The following AGBL4 variants were observed in gnomAD, a reference collection of about 807,000 sequenced individuals.
AGBL4 encodes cytosolic carboxypeptidase 6.
Under a neutral mutation model 66.4 loss-of-function variants are expected in AGBL4, and 58 were observed. That is an observed-to-expected ratio of 0.87 (90% CI 0.71 to 1.09). The LOEUF is 1.09. AGBL4 is among the 50% of genes least tolerant of loss of function. The pLI is 0.00. For missense variants in AGBL4, 579 were observed against 631.0 expected, an observed-to-expected ratio of 0.92 and a Z score of 0.88; for synonymous variants, 234 against 222.9, an observed-to-expected ratio of 1.05 and a Z score of -0.44.
In AGBL4 at chr1:49,677,657, A is replaced by G. The variant is rs1571311150; in HGVS notation, c.282+19656T>C. On this transcript the variant is annotated intron_variant, in intron 3 of 13. Transcript: ENST00000371839. ...TCTATTTTCTGGAAAAGACAGTGCC[A>G]TGAACTGAATTGTGACCCCCAAAAT... is the stretch of plus-strand genomic sequence containing the variant. 2.6e-5 allele frequency among the ~76,000 whole-genome samples: 4 copies of G among 152,284 alleles called. No individual in the cohort carries two copies. The East Asian group carries it at 7.7e-4, about 29-fold the overall frequency.
At position 48,697,563 on chromosome 1, in the gene AGBL4, G is replaced by C. The variant is rs536367097; in HGVS notation, c.635-34322C>G. 5.9e-5 allele frequency among the ~76,000 whole-genome samples: 9 copies of C among 152,324 alleles called. No homozygotes were observed. In the South Asian group the frequency reaches 1.9e-3, roughly 32 times the overall value. On this transcript the variant is annotated intron_variant, in intron 6 of 13. Transcript: ENST00000371839. ...CCCATCTACTGACTTCTGGTCCAGTGATTTTTCCAGTGCTTCAAAAACTAA... is the reference window on the plus strand; with the variant it reads ...CCCATCTACTGACTTCTGGTCCAGTCATTTTTCCAGTGCTTCAAAAACTAA...
At chr1:48,851,336 TAGTC>T (rs1297539349) in intron 6 of AGBL4, among the ~76,000 whole-genome samples, 7 of 152,178 alleles carry the variant, frequency 4.6e-5, no homozygotes, top group Admixed American at 6.5e-5. Context: ...GTAAAAAACA[TAGTC>T]AGGGTAGAGG....
At chr1:49,833,814 G>A (rs1437971568) in intron 2 of AGBL4, among the ~76,000 whole-genome samples, 2 of 152,096 alleles carry the variant, frequency 1.3e-5, no homozygotes, top group Non-Finnish European at 2.9e-5. Flanking sequence ...TGGTGTATAA[G>A]AATGCTTGTG....
At chr1:49,238,726 C>T (rs1650982500) in intron 4 of AGBL4, among the ~76,000 whole-genome samples, 1 of 152,130 alleles carries the variant, frequency 6.6e-6, no homozygotes, top group Admixed American at 6.6e-5. Context: ...TGATCATTGT[C>T]TCACAATAAT....
chr1:48,982,028 G>A (rs1659813015), intron 5 of AGBL4, among the ~76,000 whole-genome samples: 1 of 152,148 alleles, frequency 6.6e-6, no homozygotes, highest in Non-Finnish European at 1.5e-5. Context: ...AGCTCACTAG[G>A]TAGATAAATG....
intron 3 of AGBL4, among the ~76,000 whole-genome samples, chr1:49,386,292 TG>T (rs1644735452): frequency 6.6e-6 from 1 of 151,842 alleles, no homozygotes; most frequent in Non-Finnish European, 1.5e-5. Flanking sequence ...TGTGTGTGTG[TG>T]TATCTCCAAC....
chr1:49,654,581 G>T lies in AGBL4; in HGVS notation c.282+42732C>A, dbSNP rs188282376. Among the ~76,000 whole-genome samples, 292 of 152,206 alleles carry T rather than the reference G, an allele frequency of 1.9e-3. 2 individuals are homozygous for T. Among genetic ancestry groups the T allele is most frequent in the South Asian group, 1.0e-2 (48 of 4,820 alleles). On this transcript the variant is annotated intron_variant, in intron 3 of 13. Coordinates refer to ENST00000371839, the MANE Select transcript of AGBL4 (RefSeq NM_032785.4). Reference sequence around the variant, plus strand: ...CTAAGTCTCTTTGTAGGTCTCTAAGGACTTGCTTTATGAATCTGGGTGCTC... The same window carrying T: ...CTAAGTCTCTTTGTAGGTCTCTAAGTACTTGCTTTATGAATCTGGGTGCTC...
chr1:49,210,255 T>C (rs1648563416), intron 4 of AGBL4, among the ~76,000 whole-genome samples: 1 of 152,108 alleles, frequency 6.6e-6, no homozygotes. Context: ...TTAAATATTG[T>C]TATTTCTCAG....
rs1647065855 is a variant in AGBL4 at position 49,700,322 on chromosome 1, GA to G, written c.158-2886del. On this transcript the variant is annotated intron_variant, in intron 2 of 13. Transcript: ENST00000371839. ...AAATAGATAGATAGATAGATAGATAGATAGATAGATAGATAGATAGACAGAT... is the reference window on the plus strand; with the variant it reads ...AAATAGATAGATAGATAGATAGATAGTAGATAGATAGATAGATAGACAGAT... Among the ~76,000 whole-genome samples, 3 of 151,110 alleles carry G rather than the reference GA, an allele frequency of 2.0e-5. No homozygotes were observed. The South Asian group carries it at 6.3e-4, about 32-fold the overall frequency.
intron 6 of AGBL4, chr1:48,776,646 G>T: frequency 6.7e-7 from 1 of 1,484,862 alleles, no homozygotes; most frequent in Non-Finnish European, 8.9e-7. Flanking sequence ...GCAACAGCGC[G>T]CCCCAGTCGC....
intron 1 of AGBL4, among the ~76,000 whole-genome samples, chr1:50,004,451 G>T (rs1660986576): frequency 6.6e-6 from 1 of 152,188 alleles, no homozygotes; most frequent in Admixed American, 6.5e-5. Flanking sequence ...CCAAGGGAAT[G>T]CTTGTGCATC....
rs369632280 is a variant in AGBL4, at chr1:49,380,424, A to G, written c.283-134560T>C. Among the ~76,000 whole-genome samples, 282 of 152,250 alleles carry G rather than the reference A, an allele frequency of 1.9e-3. 2 individuals carry two copies. The highest frequency in any genetic ancestry group is 6.4e-3 in the African/African-American group (266 of 41,556). On this transcript the variant is annotated intron_variant, in intron 3 of 13. Transcript: ENST00000371839. ...CATGAAAAGGGCCATACTGCCCAAG[A>G]TAATTTATAGATTCAATGCCATCCC...
chr1:49,058,647 C>G (rs1279406381), intron 4 of AGBL4, among the ~76,000 whole-genome samples: 2 of 152,176 alleles, frequency 1.3e-5, no homozygotes, highest in Non-Finnish European at 2.9e-5. Context: ...GGGTAACAGG[C>G]AGAGGTTGGA....
chr1:49,748,423 T>G (rs1212836702), intron 2 of AGBL4, among the ~76,000 whole-genome samples: 2 of 152,168 alleles, frequency 1.3e-5, no homozygotes, highest in Non-Finnish European at 2.9e-5. Context: ...ATGGGCATTT[T>G]GGTTGGTTCC....
intron 5 of AGBL4, among the ~76,000 whole-genome samples, chr1:49,026,715 A>T (rs1663724923): frequency 1.3e-5 from 2 of 152,184 alleles, no homozygotes; most frequent in South Asian, 4.1e-4. Flanking sequence ...TATTTCTATT[A>T]TGAACTTAAA....
intron 8 of AGBL4, chr1:48,647,698 C>G (rs1311361120): frequency 2.5e-6 from 1 of 406,860 alleles, no homozygotes; most frequent in South Asian, 1.8e-5. Context: ...TCTGCATTAC[C>G]TATGCTCAGA....
chr1:48,903,754 A>G (rs1416581746), intron 5 of AGBL4, among the ~76,000 whole-genome samples: 1 of 152,156 alleles, frequency 6.6e-6, no homozygotes, highest in Non-Finnish European at 1.5e-5. Context: ...CACTGGCCTC[A>G]GGTAGCTCCA....
chr1:49,056,473 T>G (rs981313444), intron 4 of AGBL4, among the ~76,000 whole-genome samples: 2 of 152,048 alleles, frequency 1.3e-5, no homozygotes, highest in Non-Finnish European at 2.9e-5. Context: ...ATAAACTATA[T>G]ATATAATTGG....
At chr1:48,572,209 T>C (rs1220562514) in intron 11 of AGBL4, among the ~76,000 whole-genome samples, 1 of 152,066 alleles carries the variant, frequency 6.6e-6, no homozygotes, top group East Asian at 1.9e-4. Flanking sequence ...TAAAAGGCAC[T>C]GACACAGGTC....
Sources: gnomAD v4.1 joint callset for allele counts (sites outside exome capture counted in the v4.1 genomes callset) on GRCh38, gnomAD v4.1.1 for gene constraint, MANE v1.5 for transcripts, NCBI Gene and HGNC (gene_info 2026-07-23, HGNC 2026-07-21) for gene names.